Variants in PRR16 observed in about 807,000 individuals in gnomAD.
The protein encoded by PRR16 is proline rich 16, also known as protein Largen.
Under a neutral mutation model 18.2 loss-of-function variants are expected in PRR16, and 6 were observed. The ratio of observed to expected loss-of-function variants is 0.33; its 90% confidence interval spans 0.18 to 0.65. PRR16 has a LOEUF of 0.65. Among genes scored for constraint, PRR16 ranks in the 30% least tolerant of loss-of-function variants. The pLI is 0.74. For missense variants in PRR16, 412 were observed against 376.6 expected (o/e 1.09, Z -0.78); for synonymous variants, 151 against 147.8 (o/e 1.02, Z -0.16).
intron 1 of PRR16, among the ~76,000 whole-genome samples, chr5:120,630,416 A>C (rs1485174362): frequency 6.6e-6 from 1 of 152,068 alleles, no homozygotes. Flanking sequence ...GGTCATCCTA[A>C]GCTTTGAAAT....
At chr5:120,570,449 A>G (rs1420889878) in intron 1 of PRR16, among the ~76,000 whole-genome samples, 1 of 152,216 alleles carries the variant, frequency 6.6e-6, no homozygotes, top group Non-Finnish European at 1.5e-5. Context: ...TGTATAATGT[A>G]GGGACCTACG....
At chr5:120,737,161 G>A in the PRR16 span, among the ~76,000 whole-genome samples, 2 of 152,178 alleles carry the variant, frequency 1.3e-5, no homozygotes, top group Non-Finnish European at 2.9e-5. Flanking sequence ...CTGAATAAAA[G>A]TGGTAAGAAT....
the PRR16 span, among the ~76,000 whole-genome samples, chr5:120,694,022 G>A: frequency 2.0e-5 from 3 of 152,098 alleles, no homozygotes; most frequent in East Asian, 1.9e-4. Flanking sequence ...TAACAATTTC[G>A]CCTGTATTCC....
At chr5:120,786,573 A>G in the PRR16 span, among the ~76,000 whole-genome samples, 1 of 149,174 alleles carries the variant, frequency 6.7e-6, no homozygotes, top group Non-Finnish European at 1.5e-5. Context: ...TATAAAATAT[A>G]TTTCAAAACT....
chr5:120,642,588 C>A (rs918431356), intron 1 of PRR16, among the ~76,000 whole-genome samples: 2 of 152,104 alleles, frequency 1.3e-5, no homozygotes, highest in African/African-American at 4.8e-5. Flanking sequence ...TCATTTTCTA[C>A]ACTCTGCATG....
the PRR16 span, among the ~76,000 whole-genome samples, chr5:120,699,130 G>C: frequency 1.3e-5 from 2 of 152,100 alleles, no homozygotes; most frequent in South Asian, 2.1e-4. Flanking sequence ...GCAAATCCTC[G>C]AGCTTGATGT....
chr5:120,755,118 C>A, the PRR16 span, among the ~76,000 whole-genome samples: 2 of 151,132 alleles, frequency 1.3e-5, no homozygotes, highest in African/African-American at 4.9e-5. Flanking sequence ...TGCAGCACAC[C>A]AACATGGCAC....
chr5:120,492,078 ATTTG>A (rs1040740191), intron 1 of PRR16, among the ~76,000 whole-genome samples: 10 of 145,918 alleles, frequency 6.9e-5, no homozygotes, highest in East Asian at 2.0e-4. Context: ...ACTGTTTTTT[ATTTG>A]TTTGTTTTCT....
chr5:120,773,313 G>C, the PRR16 span, among the ~76,000 whole-genome samples: 1 of 152,202 alleles, frequency 6.6e-6, no homozygotes, highest in African/African-American at 2.4e-5. Context: ...TGGCAGCTCT[G>C]GTCTGCAAAG....
At chr5:120,479,222 A>C (rs2604163) in intron 1 of PRR16, among the ~76,000 whole-genome samples, 45,785 of 151,964 alleles carry the variant, frequency 0.3, 7,858 homozygotes, top group African/African-American at 0.47. Context: ...ATTGTCTAAG[A>C]ACACATGCTC....
intron 1 of PRR16, among the ~76,000 whole-genome samples, chr5:120,543,502 C>G (rs958544431): frequency 6.6e-6 from 1 of 152,124 alleles, no homozygotes; most frequent in African/African-American, 2.4e-5. Context: ...TAAGAATATA[C>G]ATTATGTAGT....
intron 1 of PRR16, among the ~76,000 whole-genome samples, chr5:120,465,424 GCT>G (rs1387600078): frequency 6.6e-6 from 1 of 152,180 alleles, no homozygotes; most frequent in Admixed American, 6.5e-5. Context: ...TGGCGTCCTG[GCT>G]CTCTGCAGCT....
At chr5:120,754,426 AAT>A in the PRR16 span, among the ~76,000 whole-genome samples, 2 of 89,186 alleles carry the variant, frequency 2.2e-5, no homozygotes, top group African/African-American at 8.9e-5. Context: ...TATATTATAT[AAT>A]ATATAGTATA....
chr5:120,713,728 A>G, the PRR16 span, among the ~76,000 whole-genome samples: 8 of 152,152 alleles, frequency 5.3e-5, no homozygotes. Flanking sequence ...GTTTCATAGT[A>G]CATCTTTTTA....
the PRR16 span, among the ~76,000 whole-genome samples, chr5:120,692,557 T>C: frequency 6.6e-6 from 1 of 152,194 alleles, no homozygotes; most frequent in Non-Finnish European, 1.5e-5. Context: ...ATGGTCTTGT[T>C]TGTAGTCCCC....
intron 1 of PRR16, among the ~76,000 whole-genome samples, chr5:120,475,739 A>G (rs1177139753): frequency 6.6e-6 from 1 of 152,156 alleles, no homozygotes; most frequent in African/African-American, 2.4e-5. Flanking sequence ...TCTGCCTCAA[A>G]AAATAAAAAT....
the PRR16 span, among the ~76,000 whole-genome samples, chr5:120,783,750 A>C: frequency 6.6e-6 from 1 of 152,082 alleles, no homozygotes; most frequent in East Asian, 1.9e-4. Context: ...GTTATTTGGA[A>C]ATATACAATA....
the PRR16 span, among the ~76,000 whole-genome samples, chr5:120,794,190 G>C: frequency 2.1e-3 from 313 of 152,196 alleles, no homozygotes; most frequent in Non-Finnish European, 3.7e-3. Context: ...TTACATATTT[G>C]AAACAATAGG....
At chr5:120,743,702 T>G in the PRR16 span, among the ~76,000 whole-genome samples, 1 of 152,210 alleles carries the variant, frequency 6.6e-6, no homozygotes, top group Non-Finnish European at 1.5e-5. Context: ...TTAGGAAATT[T>G]TTCTTCTGTC....
Sources: gnomAD v4.1 joint callset for allele counts (sites outside exome capture counted in the v4.1 genomes callset) on GRCh38, gnomAD v4.1.1 for gene constraint, MANE v1.5 for transcripts, NCBI Gene and HGNC (gene_info 2026-07-23, HGNC 2026-07-21) for gene names.